ELFN2: variants seen among roughly 807,000 people sequenced by gnomAD.
ELFN2 encodes protein phosphatase 1 regulatory subunit 29.
Under a neutral mutation model 45.5 loss-of-function variants are expected in ELFN2, and 17 were observed. That is an observed-to-expected ratio of 0.37 (90% CI 0.26 to 0.56). The LOEUF is 0.56. Among genes scored for constraint, ELFN2 ranks in the 20% least tolerant of loss-of-function variants. The probability of loss-of-function intolerance (pLI) is 0.77; values close to 1 mark genes in which losing one functional copy is unlikely to be tolerated. For missense variants in ELFN2, 922 were observed against 1,183.2 expected (o/e 0.78, Z 3.24); for synonymous variants, 550 against 551.5 (o/e 1.00, Z 0.04).
At position 37,356,848 on chromosome 22, in the gene ELFN2, G is replaced by C. The variant is rs559168360; in HGVS notation, n.149-14145C>G. ...CTACACTGTCTCTAACAATATCATCGTCTTTTTAGGTTTCTGCCAATCTCA... is the reference window on the plus strand; with the variant it reads ...CTACACTGTCTCTAACAATATCATCCTCTTTTTAGGTTTCTGCCAATCTCA... On this transcript the variant is annotated intron_variant and non_coding_transcript_variant, in intron 1 of 2. Transcript: ENST00000452946. Among the ~76,000 whole-genome samples, 5 of 152,302 alleles carry C rather than the reference G, an allele frequency of 3.3e-5. No individual in the cohort carries two copies. The South Asian group carries it at 1.0e-3, about 32-fold the overall frequency.
rs1387695487 is a variant in ELFN2, at chr22:37,375,427, C to T, written c.108G>A (p.Leu36=). ...LIEGDKGYVW[L]AICSQNQPPY... The stretch of plus-strand genomic sequence containing the variant: ...GCGGCTGGTTCTGGCTGCAGATGGC[C>T]AGCCACACGTAGCCCTTGTCGCCCT... Residue 36 remains leucine, a synonymous_variant, in exon 3 of 3, where the codon CTG becomes CTA. Transcript: ENST00000402918. The T allele has an allele frequency of 1.2e-6, 2 of 1,613,994 alleles. No individual in the cohort carries two copies. The highest frequency in any genetic ancestry group is 2.2e-5 in the South Asian group (2 of 91,054).
intron 1 of ELFN2, chr22:37,418,747 C>G (rs1045725164): frequency 2.0e-5 from 3 of 152,398 alleles, no homozygotes; most frequent in African/African-American, 4.8e-5. Flanking sequence ...CTCTTCAGAA[C>G]TCTGCCAGGA....
intron 1 of ELFN2, among the ~76,000 whole-genome samples, chr22:37,343,820 C>T (rs1374919254): frequency 6.6e-6 from 1 of 151,804 alleles, no homozygotes; most frequent in East Asian, 1.9e-4. Flanking sequence ...ATCCTCCCCA[C>T]ACCCTCTCCA....
intron 1 of ELFN2, chr22:37,418,915 G>C (rs1446113168): frequency 6.6e-6 from 1 of 151,994 alleles, no homozygotes; most frequent in African/African-American, 2.4e-5. Context: ...GACGGGCCTC[G>C]GCGGAACCTC....
chr22:37,384,702 A>C (rs1486133628), intron 2 of ELFN2: 1 of 16,874 alleles, frequency 5.9e-5, no homozygotes, highest in Non-Finnish European at 1.1e-4. Context: ...CCCTCTCCCC[A>C]CCTGACCCCG....
intron 2 of ELFN2, among the ~76,000 whole-genome samples, chr22:37,397,529 C>G (rs191991640): frequency 1.3e-5 from 2 of 152,292 alleles, no homozygotes; most frequent in African/African-American, 4.8e-5. Context: ...TCTGGTCAGA[C>G]GGGTGCAGAG....
In ELFN2 at chr22:37,375,066, C is replaced by A; in HGVS notation, c.469G>T (p.Asp157Tyr). 6.2e-7 allele frequency: 1 copy of A among 1,613,532 alleles called. No homozygotes were observed. The highest frequency in any genetic ancestry group is 8.5e-7 in the Non-Finnish European group (1 of 1,179,984). The change falls in exon 3 of 3, where the codon GAC (aspartate) becomes TAC (tyrosine). Residue 157 changes from aspartate (D) to tyrosine (Y), a missense_variant. This residue lies in a region of ELFN2 where 358 missense variants were observed against 540.4 expected (regional missense o/e 0.66). Coordinates refer to ENST00000402918, the MANE Select transcript of ELFN2 (RefSeq NM_052906.5). ...FSECPSLISI[D>Y]LSSNRLSRLD... ...CGGCTGAGGCGGTTGGAGGACAGGTCGATGCTGATGAGGCTCGGGCACTCG... is the reference window on the plus strand; with the variant it reads ...CGGCTGAGGCGGTTGGAGGACAGGTAGATGCTGATGAGGCTCGGGCACTCG...
intron 2 of ELFN2, among the ~76,000 whole-genome samples, chr22:37,376,966 G>T (rs745828151): frequency 2.0e-5 from 3 of 152,222 alleles, no homozygotes; most frequent in Non-Finnish European, 4.4e-5. Context: ...CTAAGGCACT[G>T]AGCCCAAGTC....
intron 2 of ELFN2, among the ~76,000 whole-genome samples, chr22:37,407,340 C>G (rs1269022042): frequency 2.0e-5 from 3 of 152,170 alleles, no homozygotes; most frequent in Non-Finnish European, 4.4e-5. Context: ...TATTCTTCAA[C>G]AAATGCTTGT....
intron 1 of ELFN2, among the ~76,000 whole-genome samples, chr22:37,362,449 G>A (rs377388509): frequency 6.6e-6 from 1 of 152,146 alleles, no homozygotes; most frequent in African/African-American, 2.4e-5. Context: ...ATCTCAGCAG[G>A]AACCAGAATT....
chr22:37,404,705 C>A (rs1220735834), intron 2 of ELFN2, among the ~76,000 whole-genome samples: 1 of 152,112 alleles, frequency 6.6e-6, no homozygotes, highest in Non-Finnish European at 1.5e-5. Context: ...CGGCTGACAC[C>A]CAGGCTGGGA....
intron 2 of ELFN2, 89 bp from the exon 3 acceptor site, chr22:37,376,085 C>T (rs1298195661): frequency 6.5e-6 from 1 of 153,370 alleles, no homozygotes; most frequent in African/African-American, 2.4e-5. Flanking sequence ...CCCATCCCTT[C>T]TCCACACCCC....
At chr22:37,377,823 G>A (rs1931625068) in intron 2 of ELFN2, among the ~76,000 whole-genome samples, 1 of 152,210 alleles carries the variant, frequency 6.6e-6, no homozygotes, top group South Asian at 2.1e-4. Context: ...CCTTGGCTGT[G>A]CTATGCAAAG....
chr22:37,357,594 G>A (rs1045539913), intron 1 of ELFN2, among the ~76,000 whole-genome samples: 6 of 152,192 alleles, frequency 3.9e-5, no homozygotes, highest in African/African-American at 1.4e-4. Flanking sequence ...CTAAGAATTT[G>A]TGTCAAAATC....
At chr22:37,425,758 C>T (rs1932842865) in intron 1 of ELFN2, among the ~76,000 whole-genome samples, 1 of 152,158 alleles carries the variant, frequency 6.6e-6, no homozygotes, top group African/African-American at 2.4e-5. Context: ...TGCCTGTGCA[C>T]CCCTCTCAGG....
chr22:37,407,496 T>C (rs1180681924), intron 2 of ELFN2, among the ~76,000 whole-genome samples: 2 of 152,118 alleles, frequency 1.3e-5, no homozygotes, highest in African/African-American at 2.4e-5. Context: ...ACAAGTGCCT[T>C]GGCTTTGGCA....
At chr22:37,355,843 C>T (rs1601735076) in intron 1 of ELFN2, among the ~76,000 whole-genome samples, 1 of 152,230 alleles carries the variant, frequency 6.6e-6, no homozygotes, top group Non-Finnish European at 1.5e-5. Flanking sequence ...CTCCCAGAAC[C>T]ATACGTCTTT....
Position 37,373,218 on chromosome 22 carries a change from A to G in ELFN2, c.2317T>C (p.Phe773Leu), listed in dbSNP as rs762097569. ...SESTHKIWERFRPYKKHHREE... is the reference protein window; with the variant it reads ...SESTHKIWERLRPYKKHHREE... ...CGGTGGTGCTTCTTGTAGGGCCGGA[A>G]GCGCTCCCAGATCTTGTGCGTGCTC... Residue 773 changes from phenylalanine (F) to leucine (L), a missense_variant, in exon 3 of 3, where the codon TTC (phenylalanine) becomes CTC (leucine). Around this residue, in one of 2 missense-constraint regions of ELFN2, gnomAD observed 564 missense variants for 642.8 expected, o/e 0.88. Transcript: ENST00000402918. 1 of 1,613,592 alleles carries G rather than the reference A, an allele frequency of 6.2e-7. No homozygotes were observed. Among genetic ancestry groups the G allele is most frequent in the South Asian group, 1.1e-5 (1 of 91,066 alleles).
intron 2 of ELFN2, among the ~76,000 whole-genome samples, chr22:37,402,380 T>A (rs1932385158): frequency 6.6e-6 from 1 of 151,992 alleles, no homozygotes; most frequent in African/African-American, 2.4e-5. Flanking sequence ...ACCGCTGGAG[T>A]TTGCCACAGG....
Sources: allele counts gnomAD v4.1 joint callset (sites outside exome capture counted in the v4.1 genomes callset), GRCh38; gene constraint gnomAD v4.1.1; regional missense constraint gnomAD v4.1.1; transcripts MANE v1.5; gene names NCBI Gene and HGNC (gene_info 2026-07-23, HGNC 2026-07-21).